MINK1: variants seen among roughly 807,000 people sequenced by gnomAD.
The protein encoded by MINK1 is misshapen like kinase 1, also known as misshapen-like kinase 1.
Under a neutral mutation model 178.4 loss-of-function variants are expected in MINK1, and 46 were observed. That is an observed-to-expected ratio of 0.26 (90% confidence interval 0.20 to 0.33). The LOEUF is 0.33. Among genes scored for constraint, MINK1 ranks in the 10% least tolerant of loss-of-function variants. The pLI, the probability that MINK1 is intolerant of heterozygous loss-of-function variation, is 1.00. For synonymous variants in MINK1, 797 were observed against 709.7 expected (o/e 1.12, Z -1.96); for missense variants, 1,366 against 1,814.9 (o/e 0.75, Z 4.49).
rs748291727 is a variant in MINK1, at chr17:4,893,424, C to T, written c.2401-10C>T. The T allele has an allele frequency of 4.4e-6, 7 of 1,598,828 alleles. No homozygotes were observed. In the Admixed American group the frequency reaches 5.0e-5, roughly 11 times the overall value. ...CTTCTCCCTGCCCCTCACGTGGCTCCTCCCTGCAGGACTTTGTGTTGCTGA... is the reference window on the plus strand; with the variant it reads ...CTTCTCCCTGCCCCTCACGTGGCTCTTCCCTGCAGGACTTTGTGTTGCTGA... On this transcript the variant is annotated splice_polypyrimidine_tract_variant and intron_variant, in intron 20 of 31. Transcript: ENST00000355280.
In MINK1 at chr17:4,895,669, G is replaced by C; in HGVS notation, c.3230-29G>C. On this transcript the variant is annotated intron_variant, in intron 26 of 31. Coordinates refer to ENST00000355280, the MANE Select transcript of MINK1 (RefSeq NM_153827.5). This position sits in a 1 kb window ranked among gnomAD's most constrained non-coding sequence, Gnocchi z 4.3. ...ATTCGGGCCTCAGATGAGAATGGGG[G>C]CGGGTGTGTATGTCTGTCCGTCCCT... 1.9e-6 allele frequency: 3 copies of C among 1,610,080 alleles called. No individual in the cohort carries two copies. The highest frequency in any genetic ancestry group is 2.5e-6 in the Non-Finnish European group (3 of 1,177,982).
In MINK1 at chr17:4,892,698, G is replaced by C. The variant is rs371377589; in HGVS notation, c.2241G>C (p.Ser747=). ...GGAGCGACCCTGGCTGGGAACGCTC[G>C]GACAGCGTCCTTCCAGCCTCTCACG... The part of the protein sequence containing the change: ...LRRSDPGWER[S]DSVLPASHGH... Residue 747 remains serine (S), a synonymous_variant, in exon 19 of 32, where the codon TCG becomes TCC. Coordinates refer to ENST00000355280, the MANE Select transcript of MINK1 (RefSeq NM_153827.5). 1 of 1,611,860 alleles carries C rather than the reference G, an allele frequency of 6.2e-7. No individual in the cohort carries two copies. Among genetic ancestry groups the C allele is most frequent in the South Asian group, 1.1e-5 (1 of 90,970 alleles).
chr17:4,895,293 C>T lies in MINK1; in HGVS notation c.3085+51C>T. 1.2e-6 allele frequency: 2 copies of T among 1,609,756 alleles called. No individual in the cohort carries two copies. Among genetic ancestry groups the T allele is most frequent in the Non-Finnish European group, 1.7e-6 (2 of 1,176,982 alleles). On this transcript the variant is annotated intron_variant, in intron 25 of 31. Transcript: ENST00000355280. This position sits in a 1 kb window ranked among gnomAD's most constrained non-coding sequence, Gnocchi z 4.3. ...GAGGCTCTGGCGTGGCTCTTGTGCT[C>T]CTGGTTAGGTGAGGGCCTGGCTGAG...
In MINK1 at chr17:4,873,621, T is replaced by TC. The variant is rs1226371372; in HGVS notation, c.58-4696_58-4695insC. Among the ~76,000 whole-genome samples, 96 of 146,858 alleles carry TC rather than the reference T, an allele frequency of 6.5e-4. 3 individuals are homozygous for TC. Among genetic ancestry groups the TC allele is most frequent in the Non-Finnish European group, 1.1e-3 (74 of 66,366 alleles). ...TTCGCCACTCTTTTTTCTTTTCTTT[T>TC]TTTTTTTTTTTTTTTGAGAAGGCGT... On this transcript the variant is annotated intron_variant, in intron 1 of 31. Transcript: ENST00000355280.
In MINK1 at chr17:4,885,338, G is replaced by C. The variant is rs1325048808; in HGVS notation, c.509-145G>C. On this transcript the variant is annotated intron_variant, in intron 6 of 31. Transcript: ENST00000355280. The surrounding 1 kb of genome is among the most constrained non-coding windows in gnomAD (Gnocchi z 5.0). ...ATGGAATCGGGTTCTTCAGGATGGTGGTGGGGTAAAGGAGGGTGCTGGGGT... is the reference window on the plus strand; with the variant it reads ...ATGGAATCGGGTTCTTCAGGATGGTCGTGGGGTAAAGGAGGGTGCTGGGGT... 1.9e-6 allele frequency: 2 copies of C among 1,048,682 alleles called. No homozygotes were observed. Among genetic ancestry groups the C allele is most frequent in the Non-Finnish European group, 2.8e-6 (2 of 721,894 alleles). The allele number at this position is 1,048,682 out of a possible 1,614,324, so 65.0% of individuals were successfully genotyped here.
Position 4,896,950 on chromosome 17 carries a change from G to A in MINK1, c.3915+137G>A, listed in dbSNP as rs2095495569. On this transcript the variant is annotated intron_variant, in intron 31 of 31. Coordinates refer to ENST00000355280, the MANE Select transcript of MINK1 (RefSeq NM_153827.5). The surrounding 1 kb of genome is among the most constrained non-coding windows in gnomAD (Gnocchi z 4.6). ...CCTCTGGGAGCTCAGAGGGCAGTCA[G>A]CCACTACCACTGCCCTGCGCTCCCT... The A allele has an allele frequency of 8.3e-7, 1 of 1,201,344 alleles. No individual in the cohort carries two copies. The highest frequency in any genetic ancestry group is 1.1e-6 in the Non-Finnish European group (1 of 877,070). 74.4% of individuals were successfully genotyped at this position (1,201,344 alleles called of 1,614,324 possible).
rs1287510415 is a variant in MINK1 at position 4,890,657 on chromosome 17, C to T, written c.1488C>T (p.Leu496=). ...TTCAGAAACAGCAGCAGCAGCAGCT[C>T]CTGCCTGGGGACAGGAAGCCCCTGT... ...QQLQKQQQQQ[L]LPGDRKPLYH... The change falls in exon 14 of 32, where the codon CTC becomes CTT. Residue 496 remains leucine (L), a synonymous_variant. Transcript: ENST00000355280. 6.4e-7 allele frequency: 1 copy of T among 1,551,680 alleles called. No individual in the cohort carries two copies. Among genetic ancestry groups the T allele is most frequent in the Admixed American group, 2.0e-5 (1 of 51,010 alleles).
chr17:4,844,719 GA>G (rs1442573362), intron 1 of MINK1: 1 of 324,122 alleles, frequency 3.1e-6, no homozygotes, highest in Non-Finnish European at 6.0e-6. Flanking sequence ...AGGACATGCA[GA>G]AGACTTCAGA....
intron 1 of MINK1, among the ~76,000 whole-genome samples, chr17:4,837,036 A>T (rs1909411925): frequency 6.6e-6 from 1 of 152,042 alleles, no homozygotes; most frequent in South Asian, 2.1e-4. Flanking sequence ...AATACAAAAA[A>T]ATTAGCCAGG....
At chr17:4,851,607 T>G (rs756840087) in intron 1 of MINK1, among the ~76,000 whole-genome samples, 12 of 152,158 alleles carry the variant, frequency 7.9e-5, no homozygotes, top group Non-Finnish European at 1.3e-4. Context: ...AAGCCTTCCC[T>G]TCATCTCTCC....
chr17:4,890,802 A>T (rs1290571872), intron 14 of MINK1, 67 bp downstream of exon 14: 2 of 1,523,842 alleles, frequency 1.3e-6, no homozygotes, highest in Non-Finnish European at 1.8e-6. Context: ...GAGCCACAAG[A>T]AGTAGTAGTT....
intron 18 of MINK1, 46 bp from the exon 19 acceptor site, chr17:4,892,610 A>G (rs765954252): frequency 4.8e-5 from 74 of 1,547,064 alleles, no homozygotes; most frequent in Admixed American, 7.1e-5. Flanking sequence ...CACCCCAGAG[A>G]AGGGAGCACC....
chr17:4,887,747 G>A lies in MINK1; in HGVS notation c.1187G>A (p.Arg396Gln), dbSNP rs1210398850. ...HIKHLLHQRQ[R>Q]RIEEQKEERR... is the part of the protein sequence containing the mutation. ...AAACACCTGCTGCACCAGCGGCAGC[G>A]GCGCATAGAGGAGCAGAAGGAGGAG... The change falls in exon 12 of 32, where the codon CGG (arginine) becomes CAG (glutamine). Residue 396 changes from arginine (R) to glutamine (Q), a missense_variant. This residue lies in a region of MINK1 where 18 missense variants were observed against 40.7 expected (regional missense o/e 0.44). Transcript: ENST00000355280. This position sits in a 1 kb window ranked among gnomAD's most constrained non-coding sequence, Gnocchi z 7.6. The A allele has an allele frequency of 1.2e-5, 19 of 1,545,124 alleles. No homozygotes were observed. The highest frequency in any genetic ancestry group is 1.7e-4 in the Middle Eastern group (1 of 5,974).
chr17:4,868,770 G>C (rs1915420019), intron 1 of MINK1: 2 of 273,548 alleles, frequency 7.3e-6, no homozygotes, highest in South Asian at 5.4e-5. Flanking sequence ...TTTTGAGACA[G>C]GGTCTCACTC....
At chr17:4,875,567 G>A (rs1460131274) in intron 1 of MINK1, 3 of 442,584 alleles carry the variant, frequency 6.8e-6, no homozygotes, top group African/African-American at 6.0e-5. Flanking sequence ...GAGGTCAAGA[G>A]TTTGAGACCA....
intron 1 of MINK1, among the ~76,000 whole-genome samples, chr17:4,859,788 CAAAAAAAAAAAAAA>C (rs397857604): frequency 1.2e-4 from 6 of 51,900 alleles, no homozygotes; most frequent in South Asian, 5.4e-4. Context: ...AACTCCATCT[CAAAAAAAAAAAAAA>C]AAAAAAAAAA....
chr17:4,887,034 C>T lies in MINK1; in HGVS notation c.950-76C>T. On this transcript the variant is annotated intron_variant, in intron 10 of 31. Transcript: ENST00000355280. The surrounding 1 kb of genome is among the most constrained non-coding windows in gnomAD (Gnocchi z 7.6). ...TGCCCAGCCAGAGAGACCTGGTTAT[C>T]CCCACCCAAGGTTTCCCTAGCCCAC... 2.7e-6 allele frequency: 4 copies of T among 1,468,886 alleles called. No individual in the cohort carries two copies. In the South Asian group the frequency reaches 4.9e-5, roughly 18 times the overall value. The allele number at this position is 1,468,886 out of a possible 1,614,324, so 91.0% of individuals were successfully genotyped here.
intron 1 of MINK1, among the ~76,000 whole-genome samples, chr17:4,843,645 C>A (rs138250748): frequency 8.5e-5 from 13 of 152,074 alleles, no homozygotes; most frequent in African/African-American, 3.1e-4. Flanking sequence ...GAATAAGAAC[C>A]GTAATGAACA....
Position 4,892,634 on chromosome 17 carries a change from C to T in MINK1, c.2199-22C>T, listed in dbSNP as rs572704682. Reference sequence around the variant, plus strand: ...GAAGGGAGCACCGTGCCTCCCTGACCCTGACTCTGCCCCCCCAACAGTAAC... The same window carrying T: ...GAAGGGAGCACCGTGCCTCCCTGACTCTGACTCTGCCCCCCCAACAGTAAC... On this transcript the variant is annotated intron_variant, in intron 18 of 31. Transcript: ENST00000355280. 3.8e-6 allele frequency: 6 copies of T among 1,584,300 alleles called. 1 individual carries two copies. In the South Asian group the frequency reaches 5.7e-5, roughly 15 times the overall value.
Sources: allele counts gnomAD v4.1 joint callset (sites outside exome capture counted in the v4.1 genomes callset), GRCh38; gene constraint gnomAD v4.1.1; regional missense constraint gnomAD v4.1.1; non-coding constraint Gnocchi (gnomAD v3.1); transcripts MANE v1.5; gene names NCBI Gene and HGNC (gene_info 2026-07-23, HGNC 2026-07-21).